Variants in ARFGEF1 observed in about 807,000 individuals in gnomAD.
ARFGEF1 encodes the protein brefeldin A-inhibited guanine nucleotide-exchange protein 1.
Under a neutral mutation model 231.0 loss-of-function variants are expected in ARFGEF1, and 42 were observed. The observed-to-expected ratio is 0.18, with a 90% CI of 0.14 to 0.24. ARFGEF1 has a LOEUF of 0.24. ARFGEF1 is among the 10% of genes least tolerant of loss of function. The probability of loss-of-function intolerance (pLI) is 1.00; values close to 1 mark genes in which losing one functional copy is unlikely to be tolerated. For missense variants in ARFGEF1, 1,345 were observed against 2,192.0 expected, an observed-to-expected ratio of 0.61 and a Z score of 7.72; for synonymous variants, 710 against 732.3, an observed-to-expected ratio of 0.97 and a Z score of 0.49.
At chr8:67,291,122 T>C (rs556808093) in intron 6 of ARFGEF1, among the ~76,000 whole-genome samples, 136 of 152,122 alleles carry the variant, frequency 8.9e-4, no homozygotes, top group Non-Finnish European at 1.1e-3. Flanking sequence ...AAAAATGACA[T>C]CAAGCTAAGG....
rs115759508 is a variant in ARFGEF1 at position 67,301,093 on chromosome 8, T to C, written c.312+131A>G. ...TATTATCTGTCTTAAATATAAAAAA[T>C]CACTTGGATTTTTTACCACAAAAAA... On this transcript the variant is annotated intron_variant, in intron 3 of 38. Coordinates refer to ENST00000262215, the MANE Select transcript of ARFGEF1 (RefSeq NM_006421.5). The C allele has an allele frequency of 4.2e-3, 3,613 of 853,048 alleles. 98 individuals are homozygous for C. The African/African-American group carries it at 0.057, about 13-fold the overall frequency. 52.8% of individuals were successfully genotyped at this position (853,048 alleles called of 1,614,324 possible).
At chr8:67,265,948 G>A in intron 14 of ARFGEF1, 58 bp downstream of exon 14, 2 of 1,520,694 alleles carry the variant, frequency 1.3e-6, no homozygotes, top group Non-Finnish European at 1.8e-6. Flanking sequence ...CGGCAGGGGT[G>A]GCACTATACT....
intron 2 of ARFGEF1, among the ~76,000 whole-genome samples, chr8:67,302,215 T>C (rs943385142): frequency 6.6e-6 from 1 of 152,174 alleles, no homozygotes; most frequent in Non-Finnish European, 1.5e-5. Context: ...AATATATGCA[T>C]ACATTTTTAT....
At position 67,197,965 on chromosome 8, in the gene ARFGEF1, T is replaced by C; in HGVS notation, c.*969A>G. The C allele has an allele frequency of 1.0e-6, 1 of 985,860 alleles. No homozygotes were observed. The highest frequency in any genetic ancestry group is 1.2e-6 in the Non-Finnish European group (1 of 829,930). The allele number at this position is 985,860 out of a possible 1,614,324, so 61.1% of individuals were successfully genotyped here. ...TTTTAATATATTCAACGTTAAATTC[T>C]GTACATAGAGTAAAATCTACATCAA... is the stretch of plus-strand genomic sequence containing the variant. On this transcript the variant is annotated 3_prime_UTR_variant, in exon 39 of 39. Coordinates refer to ENST00000262215, the MANE Select transcript of ARFGEF1 (RefSeq NM_006421.5).
At chr8:67,320,647 T>C (rs1031491652) in intron 1 of ARFGEF1, among the ~76,000 whole-genome samples, 9 of 152,124 alleles carry the variant, frequency 5.9e-5, no homozygotes, top group African/African-American at 1.7e-4. Context: ...ACGACATCCA[T>C]ACACTCAGCA....
chr8:67,197,534 G>A, downstream of ARFGEF1: 1 of 796,758 alleles, frequency 1.3e-6, no homozygotes, highest in African/African-American at 1.9e-5. Flanking sequence ...AATGCTAGAA[G>A]CTGGAAAGAA....
At chr8:67,195,250 A>AACT, downstream of ARFGEF1, 1 of 724,970 alleles carries the variant, frequency 1.4e-6, no homozygotes, top group Non-Finnish European at 2.5e-6. Flanking sequence ...AAAACAAACA[A>AACT]ACAGTAGAGT....
chr8:67,236,564 G>T (rs900302204), intron 22 of ARFGEF1, among the ~76,000 whole-genome samples: 1 of 151,738 alleles, frequency 6.6e-6, no homozygotes, highest in Non-Finnish European at 1.5e-5. Context: ...ACATGGGTTG[G>T]CTGGTTATCC....
rs759031840 is a variant in ARFGEF1, at chr8:67,218,020, T to C, written c.4457A>G (p.Tyr1486Cys). The C allele has an allele frequency of 7.4e-6, 12 of 1,611,748 alleles. No homozygotes were observed. Among genetic ancestry groups the C allele is most frequent in the South Asian group, 1.1e-5 (1 of 90,772 alleles). ...AGACCTACCTTGCTGCACACACCAG[T>C]AGAGCTGAGCAAAAATGTCATCCAA... ...VLLDDIFAQL[Y>C]WCVQQDNEQL... Residue 1486 changes from tyrosine (Y) to cysteine (C), a missense_variant, in exon 31 of 39, where the codon TAC (tyrosine) becomes TGC (cysteine). Tyr to Cys is a radical substitution (Grantham distance 194). Coordinates refer to ENST00000262215, the MANE Select transcript of ARFGEF1 (RefSeq NM_006421.5).
At chr8:67,255,160 G>A (rs933400782) in intron 17 of ARFGEF1, among the ~76,000 whole-genome samples, 3 of 152,182 alleles carry the variant, frequency 2.0e-5, no homozygotes, top group South Asian at 2.1e-4. Context: ...ATACGTGGGC[G>A]TACAGAATAC....
chr8:67,219,628 A>G, intron 29 of ARFGEF1, 68 bp from the exon 30 acceptor site: 1 of 1,479,714 alleles, frequency 6.8e-7, no homozygotes, highest in Non-Finnish European at 9.1e-7. Context: ...AATAGTTTTT[A>G]GAGTTCACAA....
intron 20 of ARFGEF1, among the ~76,000 whole-genome samples, chr8:67,239,416 T>A (rs909181517): frequency 3.9e-5 from 6 of 152,138 alleles, no homozygotes; most frequent in Admixed American, 1.3e-4. Flanking sequence ...ATTCCACAAG[T>A]TTTTTATTTT....
Position 67,224,967 on chromosome 8 carries a change from A to C in ARFGEF1, c.4144T>G (p.Trp1382Gly). Residue 1382 changes from tryptophan to glycine, a missense_variant, in exon 29 of 39, where the codon TGG (tryptophan) becomes GGG (glycine). This residue lies in a region of ARFGEF1 where 142 missense variants were observed against 227.3 expected (regional missense o/e 0.62). Coordinates refer to ENST00000262215, the MANE Select transcript of ARFGEF1 (RefSeq NM_006421.5). ...GATAACTCAAAGAGAATTGGGAACC[A>C]TCCTCTCACCCACACCCTGTCTTCA... ...APEDRVWVRG[W>G]FPILFELSCI... The C allele has an allele frequency of 6.2e-7, 1 of 1,607,356 alleles. No homozygotes were observed. The highest frequency in any genetic ancestry group is 8.5e-7 in the Non-Finnish European group (1 of 1,176,672).
At chr8:67,236,365 AATATATAT>A (rs34297561) in intron 22 of ARFGEF1, among the ~76,000 whole-genome samples, 296 of 28,850 alleles carry the variant, frequency 0.01, 2 homozygotes, top group African/African-American at 0.016. Context: ...AAAAAAAAAA[AATATATAT>A]ATATATATAT....
chr8:67,285,098 AG>A (rs1251377029), intron 7 of ARFGEF1, among the ~76,000 whole-genome samples: 8 of 58,538 alleles, frequency 1.4e-4, no homozygotes, highest in Non-Finnish European at 1.9e-4. Context: ...TTATTTTTAA[AG>A]GGGGGGGTGG....
intron 5 of ARFGEF1, among the ~76,000 whole-genome samples, chr8:67,294,712 C>T (rs1563896099): frequency 6.6e-6 from 1 of 152,124 alleles, no homozygotes; most frequent in Admixed American, 6.6e-5. Context: ...TTATTACCTA[C>T]ATATGGAAAG....
chr8:67,314,495 A>C (rs1587296423), intron 1 of ARFGEF1, among the ~76,000 whole-genome samples: 1 of 152,130 alleles, frequency 6.6e-6, no homozygotes, highest in African/African-American at 2.4e-5. Flanking sequence ...AACTTGACTC[A>C]GCTCCAGGTA....
Position 67,301,373 on chromosome 8 carries a change from G to T in ARFGEF1, c.163C>A (p.His55Asn). The T allele has an allele frequency of 1.2e-6, 2 of 1,611,756 alleles. No individual in the cohort carries two copies. Residue 55 changes from histidine to asparagine, a missense_variant, in exon 3 of 39, where the codon CAT (histidine) becomes AAT (asparagine). His to Asn is a moderately conservative substitution (Grantham distance 68). Transcript: ENST00000262215. ...CTTGATCCAGCTTTTGCTTCTCCAT[G>T]AGGAGGACTAAATGAGAAAGAAAAG... The part of the protein sequence containing the change: ...KAETEKQSPP[H>N]GEAKAGSSTL...
rs201884732 is a variant in ARFGEF1 at position 67,179,894 on chromosome 8, A to G, written c.561-4322T>C. On this transcript the variant is annotated intron_variant, in intron 5 of 5. Transcript: ENST00000518789. ...GATGACACTAGTGATTTCTTGAAAA[A>G]CTCATTATTGGAATCTGATAGTGCT... 315 of 1,589,788 alleles carry G rather than the reference A, an allele frequency of 2.0e-4. No homozygotes were observed. Among genetic ancestry groups the G allele is most frequent in the Non-Finnish European group, 2.5e-4 (289 of 1,159,354 alleles).
Sources: allele counts gnomAD v4.1 joint callset (sites outside exome capture counted in the v4.1 genomes callset), GRCh38; gene constraint gnomAD v4.1.1; regional missense constraint gnomAD v4.1.1; transcripts MANE v1.5; gene names NCBI Gene and HGNC (gene_info 2026-07-23, HGNC 2026-07-21).